The following TGDS variants were observed in gnomAD, a reference collection of about 807,000 sequenced individuals.
TGDS encodes TDP-glucose 4,6-dehydratase.
TGDS carries 47 observed loss-of-function variants against 52.3 expected under a neutral mutation model. That is an observed-to-expected ratio of 0.90 (90% CI 0.71 to 1.15). The LOEUF (loss-of-function observed/expected upper bound fraction) is 1.15. TGDS is among the 50% of genes most tolerant of loss of function. TGDS has a pLI of 0.00. For missense variants in TGDS, 375 were observed against 418.4 expected (o/e 0.90, Z 0.90); for synonymous variants, 115 against 136.9 (o/e 0.84, Z 1.12).
At chr13:94,586,748 ATTATTTTTTTT>A (rs1888998954) in intron 4 of TGDS, among the ~76,000 whole-genome samples, 2 of 88,442 alleles carry the variant, frequency 2.3e-5, no homozygotes, top group Non-Finnish European at 5.0e-5. Context: ...AAGAAATCAA[ATTATTTTTTTT>A]TTTTTTTTTT....
intron 6 of TGDS, 147 bp from the exon 7 acceptor site, chr13:94,580,100 G>GT (rs1246200689): frequency 3.8e-6 from 2 of 530,694 alleles, no homozygotes; most frequent in East Asian, 6.2e-5. Context: ...TTTTTCTAAC[G>GT]TAAGGTTTCT....
chr13:94,593,490 T>C (rs1290979805), intron 2 of TGDS, among the ~76,000 whole-genome samples: 1 of 151,982 alleles, frequency 6.6e-6, no homozygotes, highest in African/African-American at 2.4e-5. Context: ...ATATGTCAAT[T>C]AAAAAATAGA....
At chr13:94,580,917 T>A (rs1888765479) in intron 6 of TGDS, among the ~76,000 whole-genome samples, 174 bp downstream of exon 6, 1 of 152,158 alleles carries the variant, frequency 6.6e-6, no homozygotes, top group African/African-American at 2.4e-5. Context: ...GGTGGGCAGA[T>A]CACTTGAGGT....
chr13:94,592,991 T>C (rs1018255244), intron 2 of TGDS, among the ~76,000 whole-genome samples: 9 of 152,058 alleles, frequency 5.9e-5, no homozygotes, highest in Admixed American at 3.3e-4. Context: ...CCATCTCTAC[T>C]AAAAATACAA....
chr13:94,588,953 T>C (rs1889097417), intron 4 of TGDS, among the ~76,000 whole-genome samples: 1 of 152,010 alleles, frequency 6.6e-6, no homozygotes, highest in Admixed American at 6.6e-5. Flanking sequence ...AAACATGAAA[T>C]TGGGGTTATA....
chr13:94,581,723 TGTAA>T (rs1484690109), intron 5 of TGDS, among the ~76,000 whole-genome samples: 2 of 152,218 alleles, frequency 1.3e-5, no homozygotes, highest in Non-Finnish European at 2.9e-5. Context: ...TTTTTCTCAC[TGTAA>T]GTCTTTTCAG....
chr13:94,578,882 T>G (rs1888697771), intron 7 of TGDS, 109 bp from the exon 8 acceptor site: 2 of 597,236 alleles, frequency 3.3e-6, no homozygotes, highest in African/African-American at 3.9e-5. Flanking sequence ...ATGGATTGCT[T>G]CTAATTATTT....
intron 11 of TGDS, among the ~76,000 whole-genome samples, chr13:94,575,285 CTTTTTT>C (rs66717082): frequency 1.8e-5 from 2 of 113,204 alleles, no homozygotes; most frequent in African/African-American, 6.6e-5. Flanking sequence ...AACTTCCTTG[CTTTTTT>C]TTTTTTTTTT....
intron 6 of TGDS, 149 bp from the exon 7 acceptor site, chr13:94,580,102 A>G: frequency 1.9e-6 from 1 of 532,908 alleles, no homozygotes; most frequent in Non-Finnish European, 3.3e-6. Context: ...TTTCTAACGT[A>G]AGGTTTCTAA....
chr13:94,574,642 C>T lies in TGDS; in HGVS notation c.*140G>A. 1 of 564,144 alleles carries T rather than the reference C, an allele frequency of 1.8e-6. No homozygotes were observed. The highest frequency in any genetic ancestry group is 2.5e-5 in the South Asian group (1 of 39,612). 34.9% of individuals were successfully genotyped at this position (564,144 alleles called of 1,614,324 possible). On this transcript the variant is annotated 3_prime_UTR_variant, in exon 12 of 12. Transcript: ENST00000261296. Reference sequence around the variant, plus strand: ...CTCTCCCAAAGATTGAGGCATTCTGCATTTGAATTTTATACAGAAAGTCAT... The same window carrying T: ...CTCTCCCAAAGATTGAGGCATTCTGTATTTGAATTTTATACAGAAAGTCAT...
At chr13:94,590,487 AATT>A (rs1219338931) in intron 4 of TGDS, among the ~76,000 whole-genome samples, 5 of 152,102 alleles carry the variant, frequency 3.3e-5, no homozygotes, top group Admixed American at 2.6e-4. Flanking sequence ...AAAACTGTCA[AATT>A]ATTAGAAAAT....
intron 8 of TGDS, 108 bp from the exon 9 acceptor site, chr13:94,578,278 A>G (rs972825457): frequency 1.5e-5 from 15 of 1,026,716 alleles, no homozygotes; most frequent in Non-Finnish European, 2.1e-5. Flanking sequence ...TGGGGATCCC[A>G]GAATCTTTAC....
At position 94,577,073 on chromosome 13, in the gene TGDS, G is replaced by T. The variant is rs546491166; in HGVS notation, c.884+298C>A. ...GCCGAGATTGCGCCACTGCACTCCAGCCTGGCAACAGAGCGAGATTCTGTC... is the reference window on the plus strand; with the variant it reads ...GCCGAGATTGCGCCACTGCACTCCATCCTGGCAACAGAGCGAGATTCTGTC... On this transcript the variant is annotated intron_variant, in intron 10 of 11. Transcript: ENST00000261296. Among the ~76,000 whole-genome samples, 16 of 150,970 alleles carry T rather than the reference G, an allele frequency of 1.1e-4. 1 individual carries two copies. In the South Asian group the frequency reaches 3.3e-3, roughly 32 times the overall value.
chr13:94,596,163 G>A, upstream of TGDS: 1 of 1,608,390 alleles, frequency 6.2e-7, no homozygotes, highest in South Asian at 1.1e-5. Context: ...GCCTAGTACC[G>A]TAAAGAGTAT....
At position 94,578,001 on chromosome 13, in the gene TGDS, A is replaced by G; in HGVS notation, c.825+4T>C. On this transcript the variant is annotated splice_donor_region_variant and intron_variant, in intron 9 of 11. Transcript: ENST00000261296. ...AATACCAACCTTTTAAAACAGATAC[A>G]TACCAGTTGTATTAGTTCTTTGGCA... is the stretch of plus-strand genomic sequence containing the variant. 1 of 1,612,838 alleles carries G rather than the reference A, an allele frequency of 6.2e-7. No individual in the cohort carries two copies. The highest frequency in any genetic ancestry group is 8.5e-7 in the Non-Finnish European group (1 of 1,179,366).
chr13:94,577,490 G>A (rs1351150579), intron 9 of TGDS, 61 bp from the exon 10 acceptor site: 25 of 1,360,962 alleles, frequency 1.8e-5, no homozygotes, highest in Non-Finnish European at 1.9e-5. Context: ...AATAACAATA[G>A]TATTTAATGG....
intron 4 of TGDS, among the ~76,000 whole-genome samples, chr13:94,585,546 C>A: frequency 1.3e-5 from 2 of 151,588 alleles, no homozygotes; most frequent in African/African-American, 4.8e-5. Context: ...GCCCGTAATC[C>A]CAGCACTTTG....
In TGDS at chr13:94,578,013, T is replaced by C; in HGVS notation, c.817A>G (p.Ile273Val). 6.2e-7 allele frequency: 1 copy of C among 1,613,722 alleles called. No individual in the cohort carries two copies. The highest frequency in any genetic ancestry group is 8.5e-7 in the Non-Finnish European group (1 of 1,179,796). The change falls in exon 9 of 12, where the codon ATA (isoleucine) becomes GTA (valine). Residue 273 changes from isoleucine (I) to valine (V), a missense_variant. Ile to Val is a conservative substitution (Grantham distance 29, BLOSUM62 3). Transcript: ENST00000261296. ...TTAAAACAGATACATACCAGTTGTA[T>C]TAGTTCTTTGGCAAGCTGGACAACT... ...MSVVQLAKEL[I>V]QLIKETNSES...
At position 94,593,900 on chromosome 13, in the gene TGDS, G is replaced by A. The variant is rs752306743; in HGVS notation, c.94C>T (p.His32Tyr). Residue 32 changes from histidine (H) to tyrosine (Y), a missense_variant, in exon 2 of 12, where the codon CAT (histidine) becomes TAT (tyrosine). By Grantham distance (83) the His-to-Tyr change is moderately conservative (BLOSUM62 2). Transcript: ENST00000261296. ...VTGGAGFIASHMIVSLVEDYP... is the reference protein window; with the variant it reads ...VTGGAGFIASYMIVSLVEDYP... ...TCTTCCACTAAAGAGACAATCATAT[G>A]TGATGCACTATGGAAAAAAAGTATA... The A allele has an allele frequency of 2.6e-6, 4 of 1,566,216 alleles. No homozygotes were observed. The highest frequency in any genetic ancestry group is 3.5e-6 in the Non-Finnish European group (4 of 1,155,276).
Sources: allele counts gnomAD v4.1 joint callset (sites outside exome capture counted in the v4.1 genomes callset), GRCh38; gene constraint gnomAD v4.1.1; transcripts MANE v1.5; gene names NCBI Gene and HGNC (gene_info 2026-07-23, HGNC 2026-07-21).